Variants in RNPEP observed in about 807,000 individuals in gnomAD.
RNPEP encodes arginyl aminopeptidase.
RNPEP carries 57 observed loss-of-function variants against 70.1 expected under a neutral mutation model. That is an observed-to-expected ratio of 0.81 (90% confidence interval 0.66 to 1.01). RNPEP has a LOEUF of 1.01. RNPEP is among the 50% of genes least tolerant of loss of function. The probability of loss-of-function intolerance (pLI) is 0.00; values close to 1 mark genes in which losing one functional copy is unlikely to be tolerated. For missense variants in RNPEP, 787 were observed against 852.4 expected (o/e 0.92, Z 0.96); for synonymous variants, 335 against 357.4 (o/e 0.94, Z 0.71).
At chr1:201,983,313 C>T in intron 1 of RNPEP, 200 bp downstream of exon 1, 3 of 1,339,296 alleles carry the variant, frequency 2.2e-6, no homozygotes, top group Admixed American at 4.1e-5. Flanking sequence ...GCCTGGTTTC[C>T]TTCTGGACTT....
At chr1:202,003,593 C>G (rs1683924371) in intron 9 of RNPEP, 132 bp downstream of exon 9, 1 of 660,626 alleles carries the variant, frequency 1.5e-6, no homozygotes, top group Non-Finnish European at 2.6e-6. Context: ...TGGCACTCCA[C>G]AAGGAATGTG....
chr1:201,999,966 C>A lies in RNPEP; in HGVS notation c.1155C>A (p.Ile385=). The A allele has an allele frequency of 6.2e-7, 1 of 1,614,058 alleles. No homozygotes were observed. Among genetic ancestry groups the A allele is most frequent in the Non-Finnish European group, 8.5e-7 (1 of 1,179,992 alleles). The change falls in exon 6 of 11, where the codon ATC becomes ATA. Residue 385 remains isoleucine, a synonymous_variant. Transcript: ENST00000295640. ...GRALLRQHMD[I]TGEENPLNKL... ...CTCTGCTGCGTCAGCACATGGACAT[C>A]ACTGGAGAGGAAAACCCACTCAACA... is the stretch of plus-strand genomic sequence containing the variant.
chr1:201,985,090 G>A (rs945383627), intron 1 of RNPEP, among the ~76,000 whole-genome samples: 31 of 151,660 alleles, frequency 2.0e-4, no homozygotes, highest in Middle Eastern at 3.2e-3. Flanking sequence ...CTACCTGGGA[G>A]CCTGAGGCAG....
At chr1:201,989,158 G>A in intron 2 of RNPEP, 114 bp downstream of exon 2, 1 of 1,400,492 alleles carries the variant, frequency 7.1e-7, no homozygotes, top group African/African-American at 1.4e-5. Flanking sequence ...TGGTACTTCT[G>A]AAAAATTGCT....
At chr1:201,984,049 C>T (rs971843162) in intron 1 of RNPEP, among the ~76,000 whole-genome samples, 1 of 152,198 alleles carries the variant, frequency 6.6e-6, no homozygotes, top group Non-Finnish European at 1.5e-5. Context: ...TCGTACCTCA[C>T]CCTCCCTAGT....
intron 1 of RNPEP, chr1:201,983,606 C>T: frequency 7.9e-7 from 1 of 1,273,818 alleles, no homozygotes; most frequent in Non-Finnish European, 1.0e-6. Flanking sequence ...GTGTTGCCTT[C>T]TAGTTCCACG....
At chr1:201,986,319 T>G (rs1683129905) in intron 1 of RNPEP, among the ~76,000 whole-genome samples, 1 of 151,996 alleles carries the variant, frequency 6.6e-6, no homozygotes, top group Admixed American at 6.6e-5. Flanking sequence ...GGTCTCAAAC[T>G]CCTGGCCTCA....
intron 1 of RNPEP, among the ~76,000 whole-genome samples, chr1:201,985,724 G>A (rs1683110454): frequency 6.6e-6 from 1 of 152,052 alleles, no homozygotes; most frequent in Non-Finnish European, 1.5e-5. Flanking sequence ...TTTTACATTA[G>A]TATAATAATA....
rs1558257963 is a variant in RNPEP, at chr1:201,984,821, C to CTTTTTTCTTTTTCTTTTT, written c.447+1714_447+1715insCTTTTTCTTTTTTTTTTT. On this transcript the variant is annotated intron_variant, in intron 1 of 10. Transcript: ENST00000295640. ...TTACTGCTAACTTTTGTATTTCTTTCTTTTTTTTTTTTTTTTTTTTTTTTT... is the reference window on the plus strand; with the variant it reads ...TTACTGCTAACTTTTGTATTTCTTTCTTTTTTCTTTTTCTTTTTTTTTTTTTTTTTTTTTTTTTTTTTT... Among the ~76,000 whole-genome samples, 19 of 122,044 alleles carry CTTTTTTCTTTTTCTTTTT rather than the reference C, an allele frequency of 1.6e-4. 1 individual carries two copies. The highest frequency in any genetic ancestry group is 2.9e-4 in the African/African-American group (9 of 30,982). 80.1% of individuals were successfully genotyped at this position (122,044 alleles called of 152,430 possible). A position where few individuals can be genotyped will look rare whatever the true frequency, so the allele number is the denominator to read the frequency against.
intron 5 of RNPEP, among the ~76,000 whole-genome samples, chr1:201,998,523 GC>G (rs1333502850): frequency 6.6e-6 from 1 of 152,146 alleles, no homozygotes; most frequent in Non-Finnish European, 1.5e-5. Context: ...TGAGACAACA[GC>G]TGTGAGCCAC....
intron 8 of RNPEP, among the ~76,000 whole-genome samples, chr1:202,002,588 T>C (rs1317959117): frequency 6.6e-6 from 1 of 152,202 alleles, no homozygotes; most frequent in Non-Finnish European, 1.5e-5. Context: ...ACTCTATTGT[T>C]GGTTTGATGA....
In RNPEP at chr1:202,005,590, C is replaced by T. The variant is rs1021091852; in HGVS notation, c.1827C>T (p.His609=). ...AGAAGTATACACTTCCGCTGTACCA[C>T]GCAATGATGGGTGGCAGTGAGGTGG... ...GKQKYTLPLY[H]AMMGGSEVAQ... is the part of the protein sequence containing the mutation. The change falls in exon 11 of 11, where the codon CAC becomes CAT. Residue 609 remains histidine (H), a synonymous_variant. Transcript: ENST00000295640. 1.5e-5 allele frequency: 25 copies of T among 1,614,066 alleles called. No individual in the cohort carries two copies. Among genetic ancestry groups the T allele is most frequent in the African/African-American group, 9.3e-5 (7 of 74,912 alleles).
chr1:201,983,586 T>C, intron 1 of RNPEP: 1 of 1,297,984 alleles, frequency 7.7e-7, no homozygotes, highest in Non-Finnish European at 1.0e-6. Context: ...TTGATCTAGC[T>C]CTTTGTTCTG....
chr1:201,983,063 G>A lies in RNPEP; in HGVS notation c.397G>A (p.Ala133Thr). 1 of 1,525,258 alleles carries A rather than the reference G, an allele frequency of 6.6e-7. No individual in the cohort carries two copies. The allele number at this position is 1,525,258 out of a possible 1,614,324, so 94.5% of individuals were successfully genotyped here. A position where few individuals can be genotyped will look rare whatever the true frequency, so the allele number is the denominator to read the frequency against. ...GTCCTTCCCGCAGCCCTGCCGCGCC[G>A]CCGAGCGCCTCCAGGTGCTGCTCAC... ...CVSFPQPCRA[A>T]ERLQVLLTYR... Residue 133 changes from alanine (A) to threonine (T), a missense_variant, in exon 1 of 11, where the codon GCC (alanine) becomes ACC (threonine). Coordinates refer to ENST00000295640, the MANE Select transcript of RNPEP (RefSeq NM_020216.4).
intron 10 of RNPEP, among the ~76,000 whole-genome samples, chr1:202,004,785 A>G (rs986668211): frequency 9.9e-5 from 15 of 152,240 alleles, no homozygotes; most frequent in African/African-American, 3.4e-4. Context: ...AGAGGGTGAC[A>G]GTGTCATGTG....
chr1:201,985,926 AGTTT>A (rs1442968297), intron 1 of RNPEP, among the ~76,000 whole-genome samples: 3 of 152,108 alleles, frequency 2.0e-5, no homozygotes, highest in Non-Finnish European at 2.9e-5. Context: ...TAACTTTGAC[AGTTT>A]GTTTGTTTTT....
At chr1:201,987,626 C>T (rs1228031699) in intron 1 of RNPEP, among the ~76,000 whole-genome samples, 1 of 151,054 alleles carries the variant, frequency 6.6e-6, no homozygotes. Flanking sequence ...TTAGTAGCAA[C>T]AGGGTTTTAC....
intron 3 of RNPEP, among the ~76,000 whole-genome samples, chr1:201,989,813 G>T (rs1186305445): frequency 6.6e-6 from 1 of 151,962 alleles, no homozygotes; most frequent in East Asian, 1.9e-4. Flanking sequence ...GAGGGATGTT[G>T]GAATTTAGGC....
chr1:201,995,813 G>T (rs1036512559), intron 3 of RNPEP: 3 of 243,102 alleles, frequency 1.2e-5, no homozygotes, highest in Non-Finnish European at 2.4e-5. Flanking sequence ...AAGGGCTTTT[G>T]TGTGTTGTCT....
Sources: gnomAD v4.1 joint callset for allele counts (sites outside exome capture counted in the v4.1 genomes callset) on GRCh38, gnomAD v4.1.1 for gene constraint, MANE v1.5 for transcripts, NCBI Gene and HGNC (gene_info 2026-07-23, HGNC 2026-07-21) for gene names.